The following ADK variants were observed in gnomAD, a reference collection of about 807,000 sequenced individuals.
ADK encodes adenosine kinase.
In ADK, 24 loss-of-function variants were observed where a neutral mutation model predicts 44.7. The ratio of observed to expected loss-of-function variants is 0.54; its 90% CI spans 0.39 to 0.76. The LOEUF is 0.76. ADK is among the 30% of genes least tolerant of loss of function. The probability of loss-of-function intolerance (pLI) is 0.00; values close to 1 mark genes in which losing one functional copy is unlikely to be tolerated. For missense variants in ADK, 321 were observed against 425.1 expected, an observed-to-expected ratio of 0.76 and a Z score of 2.15; for synonymous variants, 128 against 142.6, an observed-to-expected ratio of 0.90 and a Z score of 0.73.
At chr10:74,697,469 C>G (rs1461248412) in intron 10 of ADK, among the ~76,000 whole-genome samples, 1 of 151,944 alleles carries the variant, frequency 6.6e-6, no homozygotes, top group Non-Finnish European at 1.5e-5. Context: ...CCCAGGAGTA[C>G]AAACAAAAAC....
At chr10:74,537,498 A>T (rs1394348908) in intron 7 of ADK, among the ~76,000 whole-genome samples, 2 of 152,248 alleles carry the variant, frequency 1.3e-5, no homozygotes, top group South Asian at 4.1e-4. Context: ...TAATCCATTG[A>T]TGCCCCTTAA....
chr10:74,275,285 C>A (rs1370734054), intron 3 of ADK, among the ~76,000 whole-genome samples: 3 of 152,000 alleles, frequency 2.0e-5, no homozygotes, highest in African/African-American at 7.3e-5. Flanking sequence ...TAAGGAAATA[C>A]CAGAGAGAGC....
intron 2 of ADK, among the ~76,000 whole-genome samples, chr10:74,217,429 C>A (rs1047155119): frequency 2.0e-5 from 3 of 152,240 alleles, no homozygotes; most frequent in African/African-American, 7.2e-5. Context: ...GTAGGTTGCA[C>A]CTCTGGGGGC....
intron 4 of ADK, among the ~76,000 whole-genome samples, chr10:74,367,384 TCCA>T (rs1463854927): frequency 6.6e-6 from 1 of 152,190 alleles, no homozygotes. Flanking sequence ...GGTCCATAAG[TCCA>T]TGAAATTACA....
intron 9 of ADK, among the ~76,000 whole-genome samples, chr10:74,658,117 A>G (rs533959510): frequency 2.7e-4 from 41 of 152,334 alleles, no homozygotes; most frequent in African/African-American, 7.9e-4. Context: ...AGTTCATTCA[A>G]TAGAGAACCA....
intron 9 of ADK, among the ~76,000 whole-genome samples, chr10:74,644,556 C>T (rs573576723): frequency 1.9e-4 from 29 of 152,278 alleles, no homozygotes; most frequent in Non-Finnish European, 3.4e-4. Flanking sequence ...ATTTTTGAGG[C>T]AGGGTCTTGC....
chr10:74,177,943 A>ATT (rs71475261), intron 1 of ADK, among the ~76,000 whole-genome samples: 976 of 56,792 alleles, frequency 0.017, 13 homozygotes, highest in African/African-American at 0.048. Context: ...ATATATATAT[A>ATT]TATTTTTTTT....
intron 4 of ADK, among the ~76,000 whole-genome samples, chr10:74,383,410 C>CTCTGTCTCTGTCTCTGTCTCTGTT (rs1436365685): frequency 6.6e-6 from 1 of 150,964 alleles, no homozygotes; most frequent in South Asian, 2.1e-4. Flanking sequence ...CTGTCTCTGT[C>CTCTGTCTCTGTCTCTGTCTCTGTT]TCTCTCTCTC....
intron 9 of ADK, among the ~76,000 whole-genome samples, chr10:74,623,101 A>G (rs1219009957): frequency 1.3e-5 from 2 of 152,166 alleles, no homozygotes; most frequent in African/African-American, 4.8e-5. Flanking sequence ...ATTGGCTTAC[A>G]TCTGTGGTTT....
chr10:74,526,639 A>G (rs1849053702), intron 7 of ADK, among the ~76,000 whole-genome samples: 1 of 152,240 alleles, frequency 6.6e-6, no homozygotes, highest in South Asian at 2.1e-4. Flanking sequence ...TAAAGATTAA[A>G]GGATGATCCA....
intron 3 of ADK, among the ~76,000 whole-genome samples, chr10:74,253,097 C>T (rs1845704691): frequency 6.6e-6 from 1 of 152,198 alleles, no homozygotes; most frequent in Non-Finnish European, 1.5e-5. Flanking sequence ...AAGTGGGGCT[C>T]AGCCCGTGAG....
At chr10:74,255,375 T>A (rs1192519271) in intron 3 of ADK, among the ~76,000 whole-genome samples, 2 of 151,698 alleles carry the variant, frequency 1.3e-5, no homozygotes. Context: ...CAAAAGGAAC[T>A]GTTCTTTGAC....
chr10:74,257,327 T>G (rs747517650), intron 3 of ADK, among the ~76,000 whole-genome samples: 13 of 152,204 alleles, frequency 8.5e-5, no homozygotes, highest in Non-Finnish European at 1.6e-4. Context: ...AATTTCAGCC[T>G]GTAGGTGGAC....
intron 10 of ADK, among the ~76,000 whole-genome samples, chr10:74,693,703 T>G (rs1589375155): frequency 6.6e-6 from 1 of 152,318 alleles, no homozygotes; most frequent in Middle Eastern, 3.4e-3. Context: ...GTGCTAAGGT[T>G]CCCTCAGAAA....
intron 5 of ADK, 37 bp downstream of exon 5, chr10:74,394,350 G>T: frequency 6.3e-7 from 1 of 1,599,368 alleles, no homozygotes. Flanking sequence ...ATACTAATTG[G>T]CTATTTTAAC....
chr10:74,214,311 G>T (rs928285284), intron 2 of ADK, among the ~76,000 whole-genome samples: 1 of 151,948 alleles, frequency 6.6e-6, no homozygotes, highest in Non-Finnish European at 1.5e-5. Context: ...TAAATTGGAA[G>T]AGCCAATTAA....
intron 6 of ADK, among the ~76,000 whole-genome samples, chr10:74,479,224 C>T (rs1017922268): frequency 6.6e-6 from 1 of 151,960 alleles, no homozygotes; most frequent in African/African-American, 2.4e-5. Flanking sequence ...TCTCAACACC[C>T]GGGACTAAGC....
At chr10:74,484,218 G>A (rs1474041427) in intron 6 of ADK, among the ~76,000 whole-genome samples, 1 of 152,162 alleles carries the variant, frequency 6.6e-6, no homozygotes, top group Non-Finnish European at 1.5e-5. Context: ...ATGGCAGAAG[G>A]GGAAGCAGGC....
At chr10:74,698,607 G>A (rs569192397) in intron 10 of ADK, among the ~76,000 whole-genome samples, 42 of 152,298 alleles carry the variant, frequency 2.8e-4, no homozygotes, top group African/African-American at 7.9e-4. Context: ...ATTCTGGAGT[G>A]CAGTGGAGCG....
Sources: allele counts gnomAD v4.1 joint callset (sites outside exome capture counted in the v4.1 genomes callset), GRCh38; gene constraint gnomAD v4.1.1; transcripts MANE v1.5; gene names NCBI Gene and HGNC (gene_info 2026-07-23, HGNC 2026-07-21).